GABRR2: variants seen among roughly 807,000 people sequenced by gnomAD.
GABRR2 encodes gamma-aminobutyric acid type A receptor subunit rho2, also known as gamma-aminobutyric acid receptor subunit rho-2.
In GABRR2, 36 loss-of-function variants were observed where a neutral mutation model predicts 47.0. The observed-to-expected ratio is 0.77, with a 90% CI of 0.59 to 1.01. The LOEUF (loss-of-function observed/expected upper bound fraction) is 1.01, where lower values mean the gene tolerates loss of function less well. GABRR2 is among the 50% of genes least tolerant of loss of function. The pLI is 0.00. For synonymous variants in GABRR2, 204 were observed against 227.5 expected (o/e 0.90, Z 0.93); for missense variants, 587 against 594.6 (o/e 0.99, Z 0.13).
chr6:89,292,392 G>A lies in GABRR2; in HGVS notation c.220+7367C>T, dbSNP rs375684453. Among the ~76,000 whole-genome samples the A allele has an allele frequency of 1.1e-4, 4 of 38,088 alleles. 1 individual carries two copies. The highest frequency in any genetic ancestry group is 6.8e-4 in the East Asian group (1 of 1,460). 25.0% of individuals were successfully genotyped at this position (38,088 alleles called of 152,430 possible). A position where few individuals can be genotyped will look rare whatever the true frequency, so the allele number is the denominator to read the frequency against. On this transcript the variant is annotated intron_variant, in intron 2 of 8. Transcript: ENST00000402938. Reference sequence around the variant, plus strand: ...TATATATATATATCAGATATATATCGTATCTCTGATATATATATCAGATAT... The same window carrying A: ...TATATATATATATCAGATATATATCATATCTCTGATATATATATCAGATAT...
intron 2 of GABRR2, among the ~76,000 whole-genome samples, chr6:89,281,546 TTC>T (rs1448699251): frequency 6.6e-6 from 1 of 152,100 alleles, no homozygotes; most frequent in Non-Finnish European, 1.5e-5. Context: ...TCCCCCACAC[TTC>T]TCAGATGTGC....
intron 2 of GABRR2, among the ~76,000 whole-genome samples, chr6:89,289,730 T>C (rs1327295211): frequency 6.6e-6 from 1 of 152,120 alleles, no homozygotes; most frequent in Non-Finnish European, 1.5e-5. Flanking sequence ...ACAAGGTCTT[T>C]GTCTTAGTTC....
At chr6:89,295,899 T>G (rs1386474172) in intron 2 of GABRR2, among the ~76,000 whole-genome samples, 1 of 152,210 alleles carries the variant, frequency 6.6e-6, no homozygotes, top group African/African-American at 2.4e-5. Context: ...TTTCCCCATT[T>G]CTTGTTTTTG....
chr6:89,275,543 A>T (rs1051468337), intron 2 of GABRR2, among the ~76,000 whole-genome samples: 1 of 152,174 alleles, frequency 6.6e-6, no homozygotes, highest in African/African-American at 2.4e-5. Flanking sequence ...CAAAGTGCTG[A>T]GATTACAGGT....
chr6:89,279,523 T>C (rs1423698479), intron 2 of GABRR2, among the ~76,000 whole-genome samples: 1 of 152,042 alleles, frequency 6.6e-6, no homozygotes, highest in African/African-American at 2.4e-5. Context: ...GGTTTATTTT[T>C]AGAGATAGGG....
Position 89,257,699 on chromosome 6 carries a change from T to G in GABRR2, c.1369A>C (p.Asn457His), listed in dbSNP as rs1217977094. 1 of 1,613,296 alleles carries G rather than the reference T, an allele frequency of 6.2e-7. No homozygotes were observed. The highest frequency in any genetic ancestry group is 1.3e-5 in the African/African-American group (1 of 74,848). ...GAAAACACTGACCAATAAATTAAGT[T>G]GAAAAATATGTAGGAGGCAGGGAAT... ...LIFPASYIFF[N>H]LIYWSVFS is the part of the protein sequence containing the mutation. The change falls in exon 9 of 9, where the codon AAC becomes CAC. Residue 457 changes from asparagine to histidine, a missense_variant. Transcript: ENST00000402938.
chr6:89,295,903 G>A (rs1562382418), intron 2 of GABRR2, among the ~76,000 whole-genome samples: 1 of 152,096 alleles, frequency 6.6e-6, no homozygotes, highest in Non-Finnish European at 1.5e-5. Context: ...CCCATTTCTT[G>A]TTTTTGTCAG....
intron 2 of GABRR2, among the ~76,000 whole-genome samples, chr6:89,292,854 CATATAT>C (rs1774495176): frequency 3.6e-5 from 5 of 137,964 alleles, no homozygotes; most frequent in Admixed American, 1.5e-4. Flanking sequence ...TCGTATATAT[CATATAT>C]TATATATCTA....
At chr6:89,306,836 T>C (rs558334144) in intron 1 of GABRR2, among the ~76,000 whole-genome samples, 6 of 149,676 alleles carry the variant, frequency 4.0e-5, no homozygotes, top group African/African-American at 1.5e-4. Context: ...AGAAAAAAGA[T>C]GGAAAGAAGG....
chr6:89,309,884 C>T (rs1316971438), intron 1 of GABRR2, among the ~76,000 whole-genome samples: 2 of 151,858 alleles, frequency 1.3e-5, no homozygotes, highest in African/African-American at 4.8e-5. Context: ...CTCAAGTGAT[C>T]CTCCCACCTC....
rs1259380091 is a variant in GABRR2 at position 89,292,420 on chromosome 6, C to A, written c.220+7339G>T. 3.1e-4 allele frequency among the ~76,000 whole-genome samples: 2 copies of A among 6,472 alleles called. 1 individual carries two copies. The highest frequency in any genetic ancestry group is 5.5e-4 in the Non-Finnish European group (2 of 3,604). 4.2% of individuals were successfully genotyped at this position (6,472 alleles called of 152,430 possible). On this transcript the variant is annotated intron_variant, in intron 2 of 8. Coordinates refer to ENST00000402938, the MANE Select transcript of GABRR2 (RefSeq NM_002043.5). ...TCTCTGATATATATATCAGATATAT[C>A]GTATCTCTGATATATATATCAGATA...
At chr6:89,301,246 T>C (rs900597991) in intron 1 of GABRR2, among the ~76,000 whole-genome samples, 2 of 152,116 alleles carry the variant, frequency 1.3e-5, no homozygotes, top group African/African-American at 4.8e-5. Context: ...AATACATATG[T>C]GACAAACCCA....
intron 2 of GABRR2, among the ~76,000 whole-genome samples, chr6:89,288,984 A>C (rs1253809298): frequency 1.3e-5 from 2 of 152,220 alleles, no homozygotes; most frequent in Admixed American, 6.5e-5. Context: ...CAATTAATCA[A>C]TAAGTGACTG....
intron 2 of GABRR2, among the ~76,000 whole-genome samples, chr6:89,289,421 A>C (rs1310417612): frequency 6.6e-6 from 1 of 152,210 alleles, no homozygotes; most frequent in South Asian, 2.1e-4. Context: ...GATTAAGGCC[A>C]TGGTGTTGGG....
At chr6:89,287,861 A>G (rs1240483141) in intron 2 of GABRR2, among the ~76,000 whole-genome samples, 1 of 152,242 alleles carries the variant, frequency 6.6e-6, no homozygotes, top group Non-Finnish European at 1.5e-5. Flanking sequence ...TGCTAGAGAC[A>G]TCACACAGAT....
intron 2 of GABRR2, among the ~76,000 whole-genome samples, chr6:89,291,506 G>A (rs550911675): frequency 2.6e-5 from 4 of 151,422 alleles, no homozygotes; most frequent in East Asian, 3.9e-4. Flanking sequence ...ATCCAGCCAC[G>A]TGGACCTGCT....
In GABRR2 at chr6:89,264,621, G is replaced by A; in HGVS notation, c.890-13C>T. The A allele has an allele frequency of 6.2e-7, 1 of 1,613,596 alleles. No individual in the cohort carries two copies. Among genetic ancestry groups the A allele is most frequent in the Non-Finnish European group, 8.5e-7 (1 of 1,179,688 alleles). ...ACCGTCGTGATACCTGCAACACCCG[G>A]CCTTAGTTGGGCTGCTGACAGCGGT... On this transcript the variant is annotated splice_polypyrimidine_tract_variant and intron_variant, in intron 7 of 8. Transcript: ENST00000402938.
chr6:89,272,933 CG>C (rs1311508049), intron 2 of GABRR2, among the ~76,000 whole-genome samples: 2 of 152,156 alleles, frequency 1.3e-5, no homozygotes, highest in Non-Finnish European at 2.9e-5. Context: ...GAAGTAGTCC[CG>C]GGTGGGAGAT....
intron 4 of GABRR2, 87 bp downstream of exon 4, chr6:89,268,924 C>A: frequency 2.5e-6 from 3 of 1,200,562 alleles, no homozygotes; most frequent in South Asian, 1.3e-5. Flanking sequence ...CAGACCCAAC[C>A]GCAGTGACAG....
Sources: allele counts gnomAD v4.1 joint callset (sites outside exome capture counted in the v4.1 genomes callset), GRCh38; gene constraint gnomAD v4.1.1; transcripts MANE v1.5; gene names NCBI Gene and HGNC (gene_info 2026-07-23, HGNC 2026-07-21).